Variants in EXOC6 observed in about 807,000 individuals in gnomAD.
EXOC6 encodes the protein exocyst complex component 6, also known as SEC15-like 1.
In EXOC6, 60 loss-of-function variants were observed where a neutral mutation model predicts 112.5. That is an observed-to-expected ratio of 0.53 (90% CI 0.43 to 0.66). The LOEUF (loss-of-function observed/expected upper bound fraction) is 0.66. Among genes scored for constraint, EXOC6 ranks in the 30% least tolerant of loss-of-function variants. The probability of loss-of-function intolerance (pLI) is 0.00; values close to 1 mark genes in which losing one functional copy is unlikely to be tolerated. For missense variants in EXOC6, 855 were observed against 957.1 expected (o/e 0.89, Z 1.41); for synonymous variants, 295 against 308.0 (o/e 0.96, Z 0.44).
chr10:92,982,128 A>G (rs1255334486), intron 18 of EXOC6, among the ~76,000 whole-genome samples: 1 of 152,114 alleles, frequency 6.6e-6, no homozygotes, highest in Non-Finnish European at 1.5e-5. Context: ...AAAAAACCAA[A>G]CAAAAAAACC....
chr10:92,924,108 T>C (rs866702869), intron 8 of EXOC6, among the ~76,000 whole-genome samples: 1 of 152,198 alleles, frequency 6.6e-6, no homozygotes, highest in South Asian at 2.1e-4. Context: ...GGAATAACGA[T>C]AGTTTCCTTT....
At chr10:93,010,683 AG>A (rs1844196316) in intron 19 of EXOC6, among the ~76,000 whole-genome samples, 1 of 148,830 alleles carries the variant, frequency 6.7e-6, no homozygotes, top group Admixed American at 6.7e-5. Context: ...TGGATGACAA[AG>A]CAAGACTCCA....
intron 1 of EXOC6, among the ~76,000 whole-genome samples, chr10:92,876,079 T>C (rs1392321886): frequency 6.6e-6 from 1 of 152,166 alleles, no homozygotes; most frequent in Non-Finnish European, 1.5e-5. Flanking sequence ...TATTATAATG[T>C]TATAAGTACT....
chr10:92,948,683 G>T (rs1183221779), intron 14 of EXOC6, among the ~76,000 whole-genome samples: 3 of 151,754 alleles, frequency 2.0e-5, no homozygotes, highest in African/African-American at 7.3e-5. Flanking sequence ...TGCCCCAAAT[G>T]TTAGGTGGAT....
chr10:92,861,868 T>C (rs2133683702), intron 1 of EXOC6, among the ~76,000 whole-genome samples: 1 of 152,338 alleles, frequency 6.6e-6, no homozygotes, highest in South Asian at 2.1e-4. Flanking sequence ...GTTGTTTCAT[T>C]AGGGAACAGG....
At chr10:92,934,027 C>T (rs2133953841) in intron 9 of EXOC6, 117 bp from the exon 10 acceptor site, 6 of 570,642 alleles carry the variant, frequency 1.1e-5, no homozygotes, top group Admixed American at 3.5e-5. Context: ...TAAAAATGTA[C>T]GTGGCATATA....
intron 20 of EXOC6, among the ~76,000 whole-genome samples, chr10:93,020,540 T>C (rs1249565778): frequency 6.6e-6 from 1 of 152,152 alleles, no homozygotes; most frequent in Non-Finnish European, 1.5e-5. Context: ...TTATTAAAAA[T>C]ATGTTTGCCT....
intron 17 of EXOC6, among the ~76,000 whole-genome samples, chr10:92,967,980 A>G (rs1842135330): frequency 2.0e-5 from 3 of 152,142 alleles, no homozygotes; most frequent in Admixed American, 6.6e-5. Flanking sequence ...AAAATGGTAA[A>G]TACATATTTT....
intron 17 of EXOC6, among the ~76,000 whole-genome samples, chr10:92,968,804 A>T (rs1842172351): frequency 6.6e-6 from 1 of 152,222 alleles, no homozygotes; most frequent in African/African-American, 2.4e-5. Flanking sequence ...TCATTTCATA[A>T]ATAAGAAATT....
intron 17 of EXOC6, among the ~76,000 whole-genome samples, chr10:92,963,426 AT>A (rs1854127572): frequency 6.6e-6 from 1 of 152,168 alleles, no homozygotes; most frequent in Admixed American, 6.5e-5. Flanking sequence ...TACCTTTGTA[AT>A]AGAACATTTA....
chr10:92,939,406 A>T (rs562580049), intron 12 of EXOC6, among the ~76,000 whole-genome samples: 1 of 151,596 alleles, frequency 6.6e-6, no homozygotes, highest in Non-Finnish European at 1.5e-5. Context: ...GTGACTACTC[A>T]GTGTGTGTGT....
intron 1 of EXOC6, among the ~76,000 whole-genome samples, chr10:92,848,848 A>C (rs924911097): frequency 6.6e-6 from 1 of 151,688 alleles, no homozygotes; most frequent in Non-Finnish European, 1.5e-5. Flanking sequence ...GCCTGCCTCC[A>C]CCGCTGTAGC....
intron 19 of EXOC6, among the ~76,000 whole-genome samples, chr10:93,009,733 G>A (rs1047613708): frequency 6.6e-6 from 1 of 152,218 alleles, no homozygotes; most frequent in Non-Finnish European, 1.5e-5. Flanking sequence ...TGGAAAGAGA[G>A]TGGTATATGC....
intron 1 of EXOC6, among the ~76,000 whole-genome samples, chr10:92,854,322 A>G (rs914883653): frequency 6.6e-6 from 1 of 151,996 alleles, no homozygotes; most frequent in African/African-American, 2.4e-5. Flanking sequence ...CTGTAGTCCC[A>G]GCTACTTGGG....
At chr10:92,975,593 C>A (rs1287180709) in intron 18 of EXOC6, among the ~76,000 whole-genome samples, 4 of 147,186 alleles carry the variant, frequency 2.7e-5, no homozygotes, top group African/African-American at 1.0e-4. Flanking sequence ...GCCCGGCCAG[C>A]CGCCCCGTCC....
intron 20 of EXOC6, among the ~76,000 whole-genome samples, chr10:93,034,223 C>T (rs17108080): frequency 0.019 from 2,949 of 152,244 alleles, 89 homozygotes; most frequent in African/African-American, 0.066. Flanking sequence ...TCAGCAGCTA[C>T]CATCTATTGG....
intron 1 of EXOC6, among the ~76,000 whole-genome samples, chr10:92,843,356 A>C (rs1846926942): frequency 6.6e-6 from 1 of 152,228 alleles, no homozygotes; most frequent in African/African-American, 2.4e-5. Flanking sequence ...GCTAAAAGCC[A>C]CTGGGAAGGA....
intron 13 of EXOC6, among the ~76,000 whole-genome samples, chr10:92,946,304 G>C (rs1402564089): frequency 6.6e-6 from 1 of 151,618 alleles, no homozygotes. Flanking sequence ...TCAAAAAAAA[G>C]AATCGCTTGA....
chr10:92,934,349 A>C lies in EXOC6; in HGVS notation c.1059A>C (p.Gln353His), dbSNP rs1334467934. The change falls in exon 11 of 22, where the codon CAA (glutamine) becomes CAC (histidine). Residue 353 changes from glutamine to histidine, a missense_variant. Physicochemically the swap from Gln to His is conservative, Grantham distance 24. Transcript: ENST00000260762. ...AAGATCACATTTTACATGTGACCCAAGGATTAGTAACCAGGGCATACACTG... is the reference window on the plus strand; with the variant it reads ...AAGATCACATTTTACATGTGACCCACGGATTAGTAACCAGGGCATACACTG... Reference protein sequence around the residue: ...VVEDHILHVTQGLVTRAYTDE... With the variant: ...VVEDHILHVTHGLVTRAYTDE... The C allele has an allele frequency of 2.5e-6, 4 of 1,601,810 alleles. No individual in the cohort carries two copies. The highest frequency in any genetic ancestry group is 3.4e-6 in the Non-Finnish European group (4 of 1,175,636).
Sources: gnomAD v4.1 joint callset for allele counts (sites outside exome capture counted in the v4.1 genomes callset) on GRCh38, gnomAD v4.1.1 for gene constraint, MANE v1.5 for transcripts, NCBI Gene and HGNC (gene_info 2026-07-23, HGNC 2026-07-21) for gene names.